PGBD5: variants seen among roughly 807,000 people sequenced by gnomAD.
PGBD5 encodes the protein piggyBac transposable element derived 5, also known as piggyBac transposable element-derived protein 5.
In PGBD5, 14 loss-of-function variants were observed where a neutral mutation model predicts 47.9. The ratio of observed to expected loss-of-function variants is 0.29; its 90% CI spans 0.19 to 0.46. The LOEUF (loss-of-function observed/expected upper bound fraction) is 0.46, where lower values mean the gene tolerates loss of function less well. Among genes scored for constraint, PGBD5 ranks in the 20% least tolerant of loss-of-function variants. The probability of loss-of-function intolerance (pLI) is 1.00; values close to 1 mark genes in which losing one functional copy is unlikely to be tolerated. For missense variants in PGBD5, 635 were observed against 716.0 expected (o/e 0.89, Z 1.29); for synonymous variants, 316 against 306.3 (o/e 1.03, Z -0.33).
rs1376818082 is a variant in PGBD5 at position 230,389,864 on chromosome 1, A to G, written c.332-32543T>C. Among the ~76,000 whole-genome samples the G allele has an allele frequency of 3.3e-5, 5 of 152,216 alleles. No homozygotes were observed. In the East Asian group the frequency reaches 9.6e-4, roughly 29 times the overall value. ...GATGTGGAAGAATGGAATGTTTGCA[A>G]TGATTTGGGATGGGACCTGAGGACA... On this transcript the variant is annotated intron_variant, in intron 1 of 6. Coordinates refer to ENST00000391860, the MANE Select transcript of PGBD5 (RefSeq NM_001258311.2).
chr1:230,391,152 T>C (rs1398142631), intron 1 of PGBD5, among the ~76,000 whole-genome samples: 1 of 123,188 alleles, frequency 8.1e-6, no homozygotes, highest in African/African-American at 3.3e-5. Context: ...TTTGCCTGAG[T>C]GTGGGGGGTG....
intron 1 of PGBD5, among the ~76,000 whole-genome samples, chr1:230,405,830 A>C (rs1657286775): frequency 6.6e-6 from 1 of 152,242 alleles, no homozygotes; most frequent in Admixed American, 6.5e-5. Flanking sequence ...GACACCCTTG[A>C]TTTGATGGGT....
intron 1 of PGBD5, among the ~76,000 whole-genome samples, chr1:230,382,856 G>A (rs181273794): frequency 2.0e-5 from 3 of 152,144 alleles, no homozygotes; most frequent in Non-Finnish European, 4.4e-5. Context: ...AGGAAAAGAG[G>A]TTATGGGATG....
rs374332007 is a variant in PGBD5 at position 230,357,286 on chromosome 1, C to A, written c.367G>T (p.Val123Leu). 2 of 1,614,036 alleles carry A rather than the reference C, an allele frequency of 1.2e-6. No individual in the cohort carries two copies. Among genetic ancestry groups the A allele is most frequent in the Admixed American group, 3.3e-5 (2 of 60,020 alleles). The change falls in exon 2 of 7, where the codon GTG becomes TTG. Residue 123 changes from valine (V) to leucine (L), a missense_variant. Val to Leu is a conservative substitution (Grantham distance 32). Coordinates refer to ENST00000391860, the MANE Select transcript of PGBD5 (RefSeq NM_001258311.2). The surrounding 1 kb of genome is among the most constrained non-coding windows in gnomAD (Gnocchi z 5.7). Reference protein sequence around the residue: ...TRKMPPSASAVDFFQLFVPDN... With the variant: ...TRKMPPSASALDFFQLFVPDN... ...GGGACAAAGAGCTGGAAGAAGTCCA[C>A]GGCACTGGCGCTGGGGGGCATCTTT...
At chr1:230,351,726 T>A (rs965623709) in intron 2 of PGBD5, among the ~76,000 whole-genome samples, 8 of 152,244 alleles carry the variant, frequency 5.3e-5, no homozygotes, top group African/African-American at 1.9e-4. Context: ...AGTTCCCTGT[T>A]GGCCTGTTGC....
At chr1:230,398,356 C>A (rs1657051363) in intron 1 of PGBD5, among the ~76,000 whole-genome samples, 1 of 152,046 alleles carries the variant, frequency 6.6e-6, no homozygotes, top group Admixed American at 6.6e-5. Flanking sequence ...ACAGGGCGGT[C>A]TCCATGTCTT....
Position 230,321,450 on chromosome 1 carries a change from G to C in PGBD5, c.*1975C>G, listed in dbSNP as rs1037968617. ...AGCCTCCCAAGTAGCTGGGACTGCA[G>C]GCATGTGCCACCACACCTAATTCTT... is the stretch of plus-strand genomic sequence containing the variant. On this transcript the variant is annotated 3_prime_UTR_variant, in exon 7 of 7. Coordinates refer to ENST00000391860, the MANE Select transcript of PGBD5 (RefSeq NM_001258311.2). The C allele has an allele frequency of 1.3e-5, 2 of 152,166 alleles. No homozygotes were observed. Among genetic ancestry groups the C allele is most frequent in the African/African-American group, 2.4e-5 (1 of 41,436 alleles). 9.4% of individuals were successfully genotyped at this position (152,166 alleles called of 1,614,324 possible).
chr1:230,396,115 C>T (rs1320169758), intron 1 of PGBD5, among the ~76,000 whole-genome samples: 2 of 148,362 alleles, frequency 1.3e-5, no homozygotes, highest in Non-Finnish European at 3.0e-5. Context: ...CTCCACCCTC[C>T]ACTCTCCTCC....
intron 1 of PGBD5, among the ~76,000 whole-genome samples, chr1:230,360,475 C>T (rs544332010): frequency 3.5e-4 from 54 of 152,228 alleles, no homozygotes; most frequent in Non-Finnish European, 3.2e-4. Context: ...GTAATCCCCA[C>T]GTGTTGGGGA....
In PGBD5 at chr1:230,401,793, G is replaced by A. The variant is rs1245833620; in HGVS notation, c.331+23805C>T. 2.6e-5 allele frequency among the ~76,000 whole-genome samples: 4 copies of A among 152,172 alleles called. 1 individual carries two copies. In the East Asian group the frequency reaches 5.8e-4, roughly 22 times the overall value. ...TGGTTTTCTCCTGCCAGGGCTTGGA[G>A]GCGCCCTGGCAACACAGGCAGGCGC... On this transcript the variant is annotated intron_variant, in intron 1 of 6. Transcript: ENST00000391860.
intron 1 of PGBD5, among the ~76,000 whole-genome samples, chr1:230,395,586 A>C (rs952245115): frequency 2.4e-4 from 1 of 4,204 alleles, no homozygotes; most frequent in Admixed American, 3.0e-3. Flanking sequence ...TCTCATTCCC[A>C]ACCCCCTCCC....
At chr1:230,385,593 G>C (rs969982025) in intron 1 of PGBD5, among the ~76,000 whole-genome samples, 1 of 152,074 alleles carries the variant, frequency 6.6e-6, no homozygotes, top group Non-Finnish European at 1.5e-5. Context: ...ACTTATTATA[G>C]AGAAAATTAG....
At chr1:230,380,965 C>T (rs531134069) in intron 1 of PGBD5, among the ~76,000 whole-genome samples, 5 of 152,378 alleles carry the variant, frequency 3.3e-5, no homozygotes, top group African/African-American at 1.2e-4. Flanking sequence ...CTGGGAGCCC[C>T]GCTCAGGAGT....
chr1:230,338,662 T>C (rs1667364481), intron 3 of PGBD5, among the ~76,000 whole-genome samples: 1 of 152,032 alleles, frequency 6.6e-6, no homozygotes, highest in Non-Finnish European at 1.5e-5. Context: ...TAGCCAGGTG[T>C]GGTGGCAGAT....
At chr1:230,333,290 C>T (rs1262929736) in intron 4 of PGBD5, among the ~76,000 whole-genome samples, 2 of 152,146 alleles carry the variant, frequency 1.3e-5, no homozygotes, top group Non-Finnish European at 2.9e-5. Context: ...GCTAAGACTG[C>T]ATGTAGGGCT....
Position 230,357,381 on chromosome 1 carries a change from C to A in PGBD5, c.332-60G>T. The A allele has an allele frequency of 1.3e-6, 2 of 1,547,500 alleles. No homozygotes were observed. Among genetic ancestry groups the A allele is most frequent in the Non-Finnish European group, 8.8e-7 (1 of 1,136,384 alleles). On this transcript the variant is annotated intron_variant, in intron 1 of 6. Transcript: ENST00000391860. This position sits in a 1 kb window ranked among gnomAD's most constrained non-coding sequence, Gnocchi z 5.7. ...ACGGCCGCCACACCCTGACTCGACA[C>A]GAGAACGGCTGCATTTCCAATCCCT...
At chr1:230,372,881 C>T (rs1320569565) in intron 1 of PGBD5, among the ~76,000 whole-genome samples, 1 of 152,154 alleles carries the variant, frequency 6.6e-6, no homozygotes, top group Non-Finnish European at 1.5e-5. Flanking sequence ...CACCTCCTCC[C>T]CTGGCCCAGC....
chr1:230,356,850 G>A, intron 2 of PGBD5, 44 bp downstream of exon 2: 4 of 1,579,250 alleles, frequency 2.5e-6, no homozygotes, highest in South Asian at 1.2e-5. Context: ...GGCCGAGAGA[G>A]CGAGGACACC....
At chr1:230,367,527 C>T (rs545407982) in intron 1 of PGBD5, among the ~76,000 whole-genome samples, 1 of 152,084 alleles carries the variant, frequency 6.6e-6, no homozygotes, top group East Asian at 1.9e-4. Context: ...GATAGTGATA[C>T]CCCATCTCTA....
Sources: gnomAD v4.1 joint callset for allele counts (sites outside exome capture counted in the v4.1 genomes callset) on GRCh38, gnomAD v4.1.1 for gene constraint, Gnocchi (gnomAD v3.1) non-coding constraint, MANE v1.5 for transcripts, NCBI Gene and HGNC (gene_info 2026-07-23, HGNC 2026-07-21) for gene names.